Variants in CACNA1D observed in about 807,000 individuals in gnomAD.
CACNA1D encodes the protein calcium voltage-gated channel subunit alpha1 D.
Under a neutral mutation model 257.1 loss-of-function variants are expected in CACNA1D, and 55 were observed. The ratio of observed to expected loss-of-function variants is 0.21; its 90% CI spans 0.17 to 0.27. The LOEUF is 0.27. Among genes scored for constraint, CACNA1D ranks in the 10% least tolerant of loss-of-function variants. The probability of loss-of-function intolerance (pLI) is 1.00; values close to 1 mark genes in which losing one functional copy is unlikely to be tolerated. For missense variants in CACNA1D, 1,876 were observed against 2,784.0 expected, an observed-to-expected ratio of 0.67 and a Z score of 7.34; for synonymous variants, 980 against 1,014.9, an observed-to-expected ratio of 0.97 and a Z score of 0.65.
chr3:53,781,752 G>A, intron 39 of CACNA1D, 85 bp downstream of exon 39: 2 of 929,204 alleles, frequency 2.2e-6, no homozygotes, highest in South Asian at 1.3e-5. Context: ...GAGAGTGTTT[G>A]CAAAATGCTT....
At chr3:53,509,689 A>AG (rs2091027760) in intron 3 of CACNA1D, among the ~76,000 whole-genome samples, 1 of 152,078 alleles carries the variant, frequency 6.6e-6, no homozygotes, top group South Asian at 2.1e-4. Flanking sequence ...GAGCCCAGCC[A>AG]GGGAAGGCAG....
At chr3:53,633,451 A>AAAAAACAAAAAC (rs3082753) in intron 3 of CACNA1D, among the ~76,000 whole-genome samples, 3 of 151,070 alleles carry the variant, frequency 2.0e-5, no homozygotes, top group Non-Finnish European at 3.0e-5. Context: ...ACTCTGTCTT[A>AAAAAACAAAAAC]AAAAACAAAA....
At chr3:53,567,023 A>G (rs1377022696) in intron 3 of CACNA1D, among the ~76,000 whole-genome samples, 3 of 152,174 alleles carry the variant, frequency 2.0e-5, no homozygotes, top group Admixed American at 2.0e-4. Context: ...CAGCACTGTA[A>G]TTCCTTAAGC....
In CACNA1D at chr3:53,719,175, A is replaced by G. The variant is rs144859254; in HGVS notation, c.1479-580A>G. 2.2e-3 allele frequency among the ~76,000 whole-genome samples: 331 copies of G among 152,284 alleles called. 1 individual carries two copies. Among genetic ancestry groups the G allele is most frequent in the African/African-American group, 7.5e-3 (311 of 41,548 alleles). ...CAGGTGTCATTTTTAAGAGAACTCA[A>G]TCTTACTCTTGGCAGAGTTTCATAA... On this transcript the variant is annotated intron_variant, in intron 10 of 47. Coordinates refer to ENST00000350061, the MANE Select transcript of CACNA1D (RefSeq NM_001128840.3).
At chr3:53,628,712 T>A (rs779202871) in intron 3 of CACNA1D, among the ~76,000 whole-genome samples, 12 of 152,198 alleles carry the variant, frequency 7.9e-5, no homozygotes, top group Admixed American at 2.0e-4. Context: ...TGACTGTGCC[T>A]GTTTGTGTTT....
intron 4 of CACNA1D, 130 bp downstream of exon 4, chr3:53,651,048 C>T (rs1036625896): frequency 1.5e-5 from 12 of 821,186 alleles, no homozygotes; most frequent in Non-Finnish European, 2.1e-5. Context: ...TGCACCAGAA[C>T]CTCTCAGGAG....
intron 3 of CACNA1D, among the ~76,000 whole-genome samples, chr3:53,602,102 T>C (rs577455556): frequency 6.6e-6 from 1 of 152,334 alleles, no homozygotes; most frequent in South Asian, 2.1e-4. Flanking sequence ...AAGCCTTTCC[T>C]CATTCTCCCC....
chr3:53,712,716 C>T (rs2094772674), intron 9 of CACNA1D, among the ~76,000 whole-genome samples: 1 of 152,166 alleles, frequency 6.6e-6, no homozygotes, highest in Non-Finnish European at 1.5e-5. Flanking sequence ...ACCCCCTACC[C>T]TTACCTTTGA....
Position 53,615,210 on chromosome 3 carries a change from G to T in CACNA1D, c.484-35569G>T, listed in dbSNP as rs115862430. Among the ~76,000 whole-genome samples the T allele has an allele frequency of 3.6e-3, 555 of 152,260 alleles. 6 individuals are homozygous for T. The highest frequency in any genetic ancestry group is 0.013 in the African/African-American group (533 of 41,560). ...TTCAGGCTTCTTCACCTGGTAGAGGGACCCAAACCTTCCTTCCTCAGGGGT... is the reference window on the plus strand; with the variant it reads ...TTCAGGCTTCTTCACCTGGTAGAGGTACCCAAACCTTCCTTCCTCAGGGGT... On this transcript the variant is annotated intron_variant, in intron 3 of 47. Transcript: ENST00000350061.
At chr3:53,771,210 G>A (rs1000599074) in intron 32 of CACNA1D, among the ~76,000 whole-genome samples, 1 of 152,182 alleles carries the variant, frequency 6.6e-6, no homozygotes, top group Non-Finnish European at 1.5e-5. Context: ...AGAAGGTGTG[G>A]GAAATATAGA....
intron 40 of CACNA1D, among the ~76,000 whole-genome samples, chr3:53,794,835 G>A (rs2106693366): frequency 6.6e-6 from 1 of 152,348 alleles, no homozygotes; most frequent in South Asian, 2.1e-4. Context: ...AAATCACAGT[G>A]ACCTCATGGA....
At chr3:53,671,723 G>T (rs2094324989) in intron 7 of CACNA1D, among the ~76,000 whole-genome samples, 1 of 152,208 alleles carries the variant, frequency 6.6e-6, no homozygotes, top group African/African-American at 2.4e-5. Context: ...TTCAGCAACA[G>T]ATGTTAGGTA....
At chr3:53,692,678 G>C (rs2094538858) in intron 8 of CACNA1D, among the ~76,000 whole-genome samples, 1 of 152,116 alleles carries the variant, frequency 6.6e-6, no homozygotes, top group Non-Finnish European at 1.5e-5. Context: ...TAAAAGCTAG[G>C]AAACACCGAC....
At chr3:53,601,461 C>A (rs2093441014) in intron 3 of CACNA1D, among the ~76,000 whole-genome samples, 1 of 152,172 alleles carries the variant, frequency 6.6e-6, no homozygotes, top group Non-Finnish European at 1.5e-5. Context: ...TTAAAACAGA[C>A]CCTGGGATTC....
At chr3:53,728,379 TC>T (rs1051641809) in intron 15 of CACNA1D, among the ~76,000 whole-genome samples, 39 of 152,288 alleles carry the variant, frequency 2.6e-4, no homozygotes, top group African/African-American at 9.4e-4. Context: ...CCTCAGGTGA[TC>T]CGCCCGCCTT....
At chr3:53,509,019 C>T (rs1175178548) in intron 3 of CACNA1D, among the ~76,000 whole-genome samples, 1 of 152,156 alleles carries the variant, frequency 6.6e-6, no homozygotes, top group African/African-American at 2.4e-5. Context: ...GTTAGCATCC[C>T]CACCATGCAG....
intron 3 of CACNA1D, among the ~76,000 whole-genome samples, chr3:53,509,915 A>T (rs1225855500): frequency 1.3e-5 from 2 of 152,246 alleles, no homozygotes; most frequent in Non-Finnish European, 2.9e-5. Flanking sequence ...AAATTGAGGC[A>T]GCTTTATTCA....
chr3:53,599,014 CTT>C (rs5848999), intron 3 of CACNA1D, among the ~76,000 whole-genome samples: 255 of 148,062 alleles, frequency 1.7e-3, no homozygotes, highest in South Asian at 9.5e-3. Flanking sequence ...ATTGGTGTGC[CTT>C]TTTTTTTTTT....
intron 5 of CACNA1D, among the ~76,000 whole-genome samples, chr3:53,662,470 A>G (rs1334677441): frequency 6.6e-6 from 1 of 152,162 alleles, no homozygotes; most frequent in Admixed American, 6.5e-5. Context: ...TTGGACAGGG[A>G]AACATTTATC....
Sources: allele counts gnomAD v4.1 joint callset (sites outside exome capture counted in the v4.1 genomes callset), GRCh38; gene constraint gnomAD v4.1.1; transcripts MANE v1.5; gene names NCBI Gene and HGNC (gene_info 2026-07-23, HGNC 2026-07-21).